PAH: variants seen among roughly 807,000 people sequenced by gnomAD.
PAH encodes phenylalanine-4-hydroxylase.
In PAH, 64 loss-of-function variants were observed where a neutral mutation model predicts 62.0. The observed-to-expected ratio is 1.03, with a 90% CI of 0.84 to 1.27. The LOEUF is 1.27. Among genes scored for constraint, PAH ranks in the 50% most tolerant of loss-of-function variants. The pLI is 0.00. For synonymous variants in PAH, 195 were observed against 196.2 expected, an observed-to-expected ratio of 0.99 and a Z score of 0.05; for missense variants, 579 against 542.8, an observed-to-expected ratio of 1.07 and a Z score of -0.66.
At chr12:102,887,240 C>T (rs377233744) in intron 3 of PAH, among the ~76,000 whole-genome samples, 121 of 145,698 alleles carry the variant, frequency 8.3e-4, no homozygotes, top group African/African-American at 2.7e-3. Context: ...AGGGAAGGAA[C>T]GAGGAAGAAA....
chr12:102,853,596 T>G (rs760010295), intron 6 of PAH, among the ~76,000 whole-genome samples: 1 of 152,196 alleles, frequency 6.6e-6, no homozygotes, highest in Non-Finnish European at 1.5e-5. Flanking sequence ...TAAGTTTACC[T>G]AATTAAGGGG....
upstream of PAH, among the ~76,000 whole-genome samples, chr12:102,918,011 G>A (rs1018011850): frequency 2.6e-5 from 4 of 152,116 alleles, no homozygotes; most frequent in African/African-American, 9.7e-5. Flanking sequence ...CTAGTCTTTG[G>A]GAATACAGCA....
At chr12:102,853,845 C>T (rs1005099934) in intron 6 of PAH, among the ~76,000 whole-genome samples, 2 of 152,176 alleles carry the variant, frequency 1.3e-5, no homozygotes. Flanking sequence ...CTAATCCCCA[C>T]AATAGCCCTA....
intron 1 of PAH, among the ~76,000 whole-genome samples, chr12:102,936,904 G>A (rs1435098739): frequency 6.6e-6 from 1 of 152,084 alleles, no homozygotes; most frequent in Non-Finnish European, 1.5e-5. Flanking sequence ...ATCTTGAATT[G>A]TAGTTCTCAT....
At position 102,861,801 on chromosome 12, in the gene PAH, A is replaced by G. The variant is rs546958068; in HGVS notation, c.509+4795T>C. 1.9e-4 allele frequency among the ~76,000 whole-genome samples: 29 copies of G among 152,154 alleles called. No individual in the cohort carries two copies. In the East Asian group the frequency reaches 4.4e-3, roughly 23 times the overall value. The stretch of plus-strand genomic sequence containing the variant: ...AACAATGAGAACACTTGGACACAGG[A>G]AGGGGAACATCACACACGGGCCTGT... On this transcript the variant is annotated intron_variant, in intron 5 of 12. Transcript: ENST00000553106.
Position 102,957,362 on chromosome 12 carries a change from G to C in PAH, c.-96+833C>G, listed in dbSNP as rs1433112814. On this transcript the variant is annotated intron_variant, in intron 1 of 4. Coordinates refer to the PAH transcript ENST00000551337. The surrounding 1 kb of genome is among the most constrained non-coding windows in gnomAD (Gnocchi z 4.1). ...CCACCCCCTTCCTAAAGCCACCCCC[G>C]GCAGCAGCCCGCCCCGAGCGCGCCG... 6.6e-6 allele frequency among the ~76,000 whole-genome samples: 1 copy of C among 151,864 alleles called. No homozygotes were observed. The highest frequency in any genetic ancestry group is 2.4e-5 in the African/African-American group (1 of 41,328).
chr12:102,939,499 A>G (rs1879218466), intron 1 of PAH, among the ~76,000 whole-genome samples: 2 of 151,804 alleles, frequency 1.3e-5, no homozygotes, highest in Admixed American at 1.3e-4. Context: ...GCAACTGACA[A>G]CCCCTCTGGC....
chr12:102,840,922 C>CTCAAGTG (rs1874568967), intron 11 of PAH, among the ~76,000 whole-genome samples: 1 of 152,152 alleles, frequency 6.6e-6, no homozygotes, highest in South Asian at 2.1e-4. Context: ...GGAAATAGCT[C>CTCAAGTG]TCAAGTGGTG....
At chr12:102,843,902 C>A in intron 10 of PAH, 123 bp from the exon 11 acceptor site, 1 of 1,100,800 alleles carries the variant, frequency 9.1e-7, no homozygotes, top group Non-Finnish European at 1.4e-6. Context: ...CATCACAGCC[C>A]AAATGCTGTG....
chr12:102,843,877 C>T, intron 10 of PAH, 98 bp from the exon 11 acceptor site: 2 of 1,327,542 alleles, frequency 1.5e-6, no homozygotes, highest in Non-Finnish European at 2.1e-6. Context: ...TCTCATCTCA[C>T]CCCGATTCCT....
intron 2 of PAH, among the ~76,000 whole-genome samples, chr12:102,897,461 GTGTGTATATATATATATA>G (rs1402479765): frequency 7.7e-6 from 1 of 129,648 alleles, no homozygotes; most frequent in African/African-American, 3.8e-5. Flanking sequence ...ATGTGTGTGT[GTGTGTATATATATATATA>G]TATATATATA....
intron 3 of PAH, among the ~76,000 whole-genome samples, chr12:102,884,772 T>A (rs1273731478): frequency 6.6e-6 from 1 of 152,146 alleles, no homozygotes; most frequent in Non-Finnish European, 1.5e-5. Context: ...CTCTTCTGAT[T>A]TTTCCCAGGC....
In PAH at chr12:102,868,064, A is replaced by C. The variant is rs530769955; in HGVS notation, c.442-1401T>G. ...CCTATATATATGTATATATATACAC[A>C]TATATATACATATATGTGTGTGTGT... On this transcript the variant is annotated intron_variant, in intron 4 of 12. Transcript: ENST00000553106. Among the ~76,000 whole-genome samples, 16 of 121,138 alleles carry C rather than the reference A, an allele frequency of 1.3e-4. 3 individuals are homozygous for C. The highest frequency in any genetic ancestry group is 3.8e-3 in the Middle Eastern group (1 of 264). The allele number at this position is 121,138 out of a possible 152,430, so 79.5% of individuals were successfully genotyped here. A position where few individuals can be genotyped will look rare whatever the true frequency, so the allele number is the denominator to read the frequency against.
At chr12:102,879,067 C>A (rs1232809876) in intron 3 of PAH, among the ~76,000 whole-genome samples, 1 of 152,096 alleles carries the variant, frequency 6.6e-6, no homozygotes, top group Non-Finnish European at 1.5e-5. Flanking sequence ...TGCGGTCTGG[C>A]TTAGAATCCG....
intron 1 of PAH, among the ~76,000 whole-genome samples, chr12:102,947,999 C>T (rs1167583005): frequency 6.6e-6 from 1 of 152,134 alleles, no homozygotes; most frequent in Non-Finnish European, 1.5e-5. Context: ...GAGCCCTACC[C>T]ACAATCTTTA....
intron 3 of PAH, among the ~76,000 whole-genome samples, chr12:102,880,371 G>C (rs1173735612): frequency 1.3e-5 from 2 of 152,104 alleles, no homozygotes; most frequent in Non-Finnish European, 2.9e-5. Flanking sequence ...GATCTTTCTT[G>C]CTTCTCCAGG....
At chr12:102,845,605 G>A (rs1272748252) in intron 9 of PAH, among the ~76,000 whole-genome samples, 1 of 152,210 alleles carries the variant, frequency 6.6e-6, no homozygotes, top group Non-Finnish European at 1.5e-5. Flanking sequence ...GAGGAACCCA[G>A]AGCTCAGTTA....
At chr12:102,860,698 A>G (rs1875676826) in intron 5 of PAH, among the ~76,000 whole-genome samples, 1 of 152,224 alleles carries the variant, frequency 6.6e-6, no homozygotes, top group African/African-American at 2.4e-5. Context: ...CAACCAACTG[A>G]TCTTTGACAA....
Position 102,927,495 on chromosome 12 carries a change from T to G in PAH, c.-95-10270A>C, listed in dbSNP as rs200934923. Among the ~76,000 whole-genome samples, 3 of 150,030 alleles carry G rather than the reference T, an allele frequency of 2.0e-5. No homozygotes were observed. In the East Asian group the frequency reaches 5.8e-4, roughly 29 times the overall value. Reference sequence around the variant, plus strand: ...CCTCAGGACTAAGCATGGTGCCTGATGCACATTATGTGTTCAATGCTTACT... The same window carrying G: ...CCTCAGGACTAAGCATGGTGCCTGAGGCACATTATGTGTTCAATGCTTACT... On this transcript the variant is annotated intron_variant, in intron 1 of 3. Coordinates refer to the PAH transcript ENST00000546844.
Sources: allele counts gnomAD v4.1 joint callset (sites outside exome capture counted in the v4.1 genomes callset), GRCh38; gene constraint gnomAD v4.1.1; non-coding constraint Gnocchi (gnomAD v3.1); transcripts MANE v1.5; gene names NCBI Gene and HGNC (gene_info 2026-07-23, HGNC 2026-07-21).